SLC16A12: variants seen among roughly 807,000 people sequenced by gnomAD.
SLC16A12 encodes monocarboxylate transporter 12.
SLC16A12 carries 17 observed loss-of-function variants against 42.4 expected under a neutral mutation model. The observed-to-expected ratio is 0.40, with a 90% CI of 0.27 to 0.60. The LOEUF (loss-of-function observed/expected upper bound fraction) is 0.60. Ranked by LOEUF, SLC16A12 falls within the 20% of genes least tolerant of loss-of-function variation. The probability of loss-of-function intolerance (pLI) is 0.42; values close to 1 mark genes in which losing one functional copy is unlikely to be tolerated. For missense variants in SLC16A12, 544 were observed against 623.0 expected (o/e 0.87, Z 1.35); for synonymous variants, 224 against 229.4 (o/e 0.98, Z 0.21).
At chr10:89,504,177 C>T (rs958560103) in intron 2 of SLC16A12, among the ~76,000 whole-genome samples, 12 of 152,132 alleles carry the variant, frequency 7.9e-5, no homozygotes, top group Non-Finnish European at 1.8e-4. Context: ...GTCTCTTTTC[C>T]GTTGCTTCAA....
At chr10:89,496,818 TA>T (rs1413017444) in intron 2 of SLC16A12, among the ~76,000 whole-genome samples, 1 of 151,916 alleles carries the variant, frequency 6.6e-6, no homozygotes, top group African/African-American at 2.4e-5. Context: ...ATTAAGACAA[TA>T]AAAAAGCAAG....
chr10:89,477,771 C>A (rs1424192271), intron 2 of SLC16A12, among the ~76,000 whole-genome samples: 1 of 152,064 alleles, frequency 6.6e-6, no homozygotes, highest in Non-Finnish European at 1.5e-5. Context: ...GTAAGATATT[C>A]TGTCCACCAA....
chr10:89,510,953 T>C (rs1349816904), intron 2 of SLC16A12, among the ~76,000 whole-genome samples: 2 of 152,202 alleles, frequency 1.3e-5, no homozygotes, highest in Non-Finnish European at 2.9e-5. Flanking sequence ...AGAAGACATT[T>C]ATGCAGCCAA....
chr10:89,503,112 A>G (rs955365825), intron 2 of SLC16A12, among the ~76,000 whole-genome samples: 5 of 152,254 alleles, frequency 3.3e-5, no homozygotes, highest in Non-Finnish European at 7.3e-5. Flanking sequence ...AGAGAGAACA[A>G]GGCAATATTC....
intron 2 of SLC16A12, among the ~76,000 whole-genome samples, chr10:89,509,164 T>G (rs112307214): frequency 0.07 from 10,658 of 151,866 alleles, 539 homozygotes; most frequent in African/African-American, 0.14. Flanking sequence ...TCTACCAGAG[T>G]TATAAAGAGG....
At chr10:89,548,531 T>C (rs1298757351) in intron 2 of SLC16A12, among the ~76,000 whole-genome samples, 1 of 151,460 alleles carries the variant, frequency 6.6e-6, no homozygotes, top group Non-Finnish European at 1.5e-5. Context: ...AAAAACGCAG[T>C]CGCGACTGGG....
chr10:89,450,163 G>GTAAACT (rs1307710555), intron 3 of SLC16A12, among the ~76,000 whole-genome samples: 6 of 152,234 alleles, frequency 3.9e-5, no homozygotes, highest in African/African-American at 1.4e-4. Context: ...CTGTTGGTGG[G>GTAAACT]AGTGTGAACT....
chr10:89,539,898 TTTCTTTCTTTC>T (rs929001007), upstream of SLC16A12, among the ~76,000 whole-genome samples: 2 of 148,076 alleles, frequency 1.4e-5, no homozygotes, highest in African/African-American at 5.2e-5. Flanking sequence ...TCTTTCTTTC[TTTCTTTCTTTC>T]TTTTTTCTTT....
chr10:89,453,721 C>A (rs902528785), intron 3 of SLC16A12, among the ~76,000 whole-genome samples: 1 of 152,060 alleles, frequency 6.6e-6, no homozygotes, highest in Admixed American at 6.6e-5. Context: ...AGAACACGTC[C>A]CCGTCATTAA....
chr10:89,466,375 G>A (rs1354047615), intron 2 of SLC16A12, among the ~76,000 whole-genome samples: 1 of 152,122 alleles, frequency 6.6e-6, no homozygotes, highest in African/African-American at 2.4e-5. Context: ...CTTTCATGAG[G>A]CTCACATCCT....
At chr10:89,527,850 A>C (rs1002145118) in intron 2 of SLC16A12, among the ~76,000 whole-genome samples, 2 of 151,610 alleles carry the variant, frequency 1.3e-5, no homozygotes, top group African/African-American at 4.8e-5. Flanking sequence ...AAAAGAGGTG[A>C]ATTCTAAGTA....
chr10:89,501,753 AAATAAT>A (rs1303174454), intron 2 of SLC16A12, among the ~76,000 whole-genome samples: 1 of 152,106 alleles, frequency 6.6e-6, no homozygotes, highest in Non-Finnish European at 1.5e-5. Context: ...TTCATCTCAA[AAATAAT>A]AATAATAATA....
intron 2 of SLC16A12, among the ~76,000 whole-genome samples, chr10:89,516,093 C>T (rs568852022): frequency 2.6e-5 from 4 of 152,290 alleles, no homozygotes; most frequent in Admixed American, 2.6e-4. Flanking sequence ...AATTTACTCA[C>T]AGGAACACAC....
rs183707999 is a variant in SLC16A12 at position 89,432,176 on chromosome 10, G to A, written c.*888C>T. The A allele has an allele frequency of 1.3e-5, 2 of 152,642 alleles. No homozygotes were observed. The highest frequency in any genetic ancestry group is 2.9e-5 in the Non-Finnish European group (2 of 68,032). The allele number at this position is 152,642 out of a possible 1,614,324, so 9.5% of individuals were successfully genotyped here. Reference sequence around the variant, plus strand: ...TCTAAGTAAGAGCTTCTTCTCTGAAGGTAAAAGACGGGAAGTTTTGGTGTT... The same window carrying A: ...TCTAAGTAAGAGCTTCTTCTCTGAAAGTAAAAGACGGGAAGTTTTGGTGTT... On this transcript the variant is annotated 3_prime_UTR_variant, in exon 8 of 8. Transcript: ENST00000371790.
At chr10:89,519,424 T>C (rs1269967114) in intron 2 of SLC16A12, among the ~76,000 whole-genome samples, 6 of 152,146 alleles carry the variant, frequency 3.9e-5, no homozygotes, top group Non-Finnish European at 7.4e-5. Context: ...TATCTCCCAC[T>C]TCGTTTTCCA....
chr10:89,438,588 G>T lies in SLC16A12; in HGVS notation c.1028+16C>A. The T allele has an allele frequency of 6.2e-7, 1 of 1,612,212 alleles. No individual in the cohort carries two copies. The highest frequency in any genetic ancestry group is 8.5e-7 in the Non-Finnish European group (1 of 1,178,864). ...GTCCCCTGGTGGGGAACCAATTGTG[G>T]TTTCATGAATTTTACCTTCTGTCGG... On this transcript the variant is annotated intron_variant, in intron 6 of 7. Coordinates refer to ENST00000371790, the MANE Select transcript of SLC16A12 (RefSeq NM_213606.4).
intron 2 of SLC16A12, among the ~76,000 whole-genome samples, chr10:89,544,792 T>A (rs1365505835): frequency 6.7e-6 from 1 of 150,332 alleles, no homozygotes; most frequent in Non-Finnish European, 1.5e-5. Flanking sequence ...AGTGTCTGTT[T>A]ATGAAACCAG....
Position 89,430,674 on chromosome 10 carries a change from T to C in SLC16A12, c.*2390A>G, listed in dbSNP as rs1255743710. On this transcript the variant is annotated 3_prime_UTR_variant, in exon 8 of 8. Transcript: ENST00000371790. ...ATTTTTCTTACTGATTTTCTAAAAA[T>C]GCTGCCTCAAAAGGGAAAGTAAAAT... 2 of 465,872 alleles carry C rather than the reference T, an allele frequency of 4.3e-6. No homozygotes were observed. The highest frequency in any genetic ancestry group is 8.9e-6 in the Non-Finnish European group (2 of 225,898). 28.9% of individuals were successfully genotyped at this position (465,872 alleles called of 1,614,324 possible).
intron 2 of SLC16A12, among the ~76,000 whole-genome samples, chr10:89,494,829 A>C (rs769553319): frequency 6.6e-5 from 10 of 152,198 alleles, no homozygotes; most frequent in Non-Finnish European, 1.2e-4. Context: ...GGACTGATGG[A>C]AAGTTTGTAG....
Sources: gnomAD v4.1 joint callset for allele counts (sites outside exome capture counted in the v4.1 genomes callset) on GRCh38, gnomAD v4.1.1 for gene constraint, MANE v1.5 for transcripts, NCBI Gene and HGNC (gene_info 2026-07-23, HGNC 2026-07-21) for gene names.